ANKS1B: variants seen among roughly 807,000 people sequenced by gnomAD.
The protein encoded by ANKS1B is ankyrin repeat and sterile alpha motif domain-containing protein 1B.
ANKS1B carries 36 observed loss-of-function variants against 148.3 expected under a neutral mutation model. That is an observed-to-expected ratio of 0.24 (90% CI 0.19 to 0.32). The LOEUF is 0.32. Among genes scored for constraint, ANKS1B ranks in the 10% least tolerant of loss-of-function variants. ANKS1B has a pLI of 1.00. For synonymous variants in ANKS1B, 542 were observed against 560.8 expected (o/e 0.97, Z 0.47); for missense variants, 1,157 against 1,542.6 (o/e 0.75, Z 4.19).
Position 99,581,441 on chromosome 12 carries a change from T to G in ANKS1B, c.1272+73626A>C, listed in dbSNP as rs1037026388. ...ATAGACTTAAATGTAGGCCCTAAAC[T>G]AAAATTTCTAAAGAAAAATATAGGG... is the stretch of plus-strand genomic sequence containing the variant. On this transcript the variant is annotated intron_variant, in intron 9 of 26. Coordinates refer to ENST00000683438, the MANE Select transcript of ANKS1B (RefSeq NM_001352186.2). 2.6e-5 allele frequency among the ~76,000 whole-genome samples: 4 copies of G among 152,174 alleles called. No homozygotes were observed. The South Asian group carries it at 8.3e-4, about 31-fold the overall frequency.
chr12:99,614,636 C>A (rs1362947085), intron 9 of ANKS1B, among the ~76,000 whole-genome samples: 1 of 151,828 alleles, frequency 6.6e-6, no homozygotes, highest in Non-Finnish European at 1.5e-5. Flanking sequence ...ACAAATGCAC[C>A]AACAATTTTA....
intron 14 of ANKS1B, among the ~76,000 whole-genome samples, chr12:99,198,773 G>A (rs954749087): frequency 2.6e-5 from 4 of 152,048 alleles, no homozygotes; most frequent in Non-Finnish European, 4.4e-5. Context: ...CCTGCAAGAG[G>A]GTCCTCAAAT....
intron 12 of ANKS1B, among the ~76,000 whole-genome samples, chr12:99,362,438 A>C (rs1416352114): frequency 6.6e-6 from 1 of 152,030 alleles, no homozygotes; most frequent in Non-Finnish European, 1.5e-5. Context: ...GCCCAAACTA[A>C]GTGGCTAAAG....
chr12:99,706,587 A>T (rs2153529119), intron 8 of ANKS1B: 2 of 152,198 alleles, frequency 1.3e-5, no homozygotes, highest in Middle Eastern at 6.8e-3. Flanking sequence ...GCCTTTGTGT[A>T]ATCCCCTCCC....
intron 12 of ANKS1B, among the ~76,000 whole-genome samples, chr12:99,327,013 A>G (rs931399401): frequency 4.8e-4 from 64 of 133,094 alleles, no homozygotes; most frequent in African/African-American, 1.8e-3. Context: ...TAATTTATAT[A>G]TTATATTATA....
intron 1 of ANKS1B, among the ~76,000 whole-genome samples, chr12:99,949,855 G>A (rs768640602): frequency 6.5e-4 from 99 of 151,970 alleles, no homozygotes; most frequent in Admixed American, 1.6e-3. Flanking sequence ...TAATAGCAAA[G>A]ACTATGTGGT....
chr12:99,186,216 T>C (rs2079828622), intron 14 of ANKS1B, among the ~76,000 whole-genome samples: 1 of 152,180 alleles, frequency 6.6e-6, no homozygotes, highest in South Asian at 2.1e-4. Context: ...AGGGCATCTC[T>C]GAAAGAAAGG....
At chr12:98,790,714 G>A (rs1419438194) in intron 22 of ANKS1B, among the ~76,000 whole-genome samples, 1 of 152,172 alleles carries the variant, frequency 6.6e-6, no homozygotes, top group African/African-American at 2.4e-5. Context: ...AAACAAAATT[G>A]AAATCTGTGT....
chr12:99,603,642 T>C (rs1343812335), intron 9 of ANKS1B, among the ~76,000 whole-genome samples: 1 of 151,932 alleles, frequency 6.6e-6, no homozygotes, highest in African/African-American at 2.4e-5. Context: ...TCCTTACAAA[T>C]AGTTTCTGAA....
chr12:98,873,468 A>C (rs1161869270), intron 17 of ANKS1B, among the ~76,000 whole-genome samples: 2 of 152,258 alleles, frequency 1.3e-5, no homozygotes. Context: ...AAGTGATATA[A>C]GGTTTAAAAA....
At chr12:98,923,026 C>A (rs1456125070) in intron 17 of ANKS1B, among the ~76,000 whole-genome samples, 3 of 152,044 alleles carry the variant, frequency 2.0e-5, no homozygotes, top group Non-Finnish European at 2.9e-5. Flanking sequence ...ATTCAATCCT[C>A]AGTGTGGCAG....
chr12:99,911,181 T>C (rs1029144169), intron 1 of ANKS1B, among the ~76,000 whole-genome samples: 3 of 152,328 alleles, frequency 2.0e-5, no homozygotes, highest in African/African-American at 4.8e-5. Flanking sequence ...CACTGCACTC[T>C]GCTGCCACTT....
intron 1 of ANKS1B, among the ~76,000 whole-genome samples, chr12:99,914,467 A>G (rs2094106994): frequency 6.6e-6 from 1 of 152,220 alleles, no homozygotes; most frequent in Non-Finnish European, 1.5e-5. Flanking sequence ...AGAAGCTTTG[A>G]AGAATGAGAA....
At chr12:98,844,255 T>C (rs1040389077) in intron 17 of ANKS1B, among the ~76,000 whole-genome samples, 3 of 152,222 alleles carry the variant, frequency 2.0e-5, no homozygotes, top group African/African-American at 7.2e-5. Flanking sequence ...ATTCGCCTCT[T>C]AGTGTAATTG....
intron 9 of ANKS1B, among the ~76,000 whole-genome samples, chr12:99,616,636 TAACTC>T (rs2153361499): frequency 6.6e-6 from 1 of 152,110 alleles, no homozygotes; most frequent in African/African-American, 2.4e-5. Context: ...ATACAAAAAT[TAACTC>T]AAGATGGATT....
chr12:99,709,509 C>A (rs2056328469), intron 8 of ANKS1B, among the ~76,000 whole-genome samples: 1 of 152,080 alleles, frequency 6.6e-6, no homozygotes, highest in Non-Finnish European at 1.5e-5. Context: ...CTCACGACAA[C>A]AGATGCTGCA....
intron 9 of ANKS1B, among the ~76,000 whole-genome samples, chr12:99,566,978 G>T (rs2153218574): frequency 6.6e-6 from 1 of 152,230 alleles, no homozygotes; most frequent in Non-Finnish European, 1.5e-5. Context: ...ATAACATCTT[G>T]GTGGCTTAAA....
intron 17 of ANKS1B, among the ~76,000 whole-genome samples, chr12:98,852,924 A>G (rs1301498728): frequency 6.6e-6 from 1 of 152,232 alleles, no homozygotes; most frequent in African/African-American, 2.4e-5. Context: ...CCTCATTCAC[A>G]GAGTCCCTAT....
At position 99,851,399 on chromosome 12, in the gene ANKS1B, A is replaced by G. The variant is rs553011470; in HGVS notation, c.135-26010T>C. 7.9e-5 allele frequency among the ~76,000 whole-genome samples: 12 copies of G among 152,232 alleles called. No homozygotes were observed. In the South Asian group the frequency reaches 2.5e-3, roughly 32 times the overall value. On this transcript the variant is annotated intron_variant, in intron 1 of 26. Transcript: ENST00000683438. ...TACCCCCACCTGATCATCATGATAA[A>G]ACTAGGACATAAGTATTAATACTTA...
Sources: gnomAD v4.1 joint callset for allele counts (sites outside exome capture counted in the v4.1 genomes callset) on GRCh38, gnomAD v4.1.1 for gene constraint, MANE v1.5 for transcripts, NCBI Gene and HGNC (gene_info 2026-07-23, HGNC 2026-07-21) for gene names.